The following AKT3 variants were observed in gnomAD, a reference collection of about 807,000 sequenced individuals.
AKT3 encodes the protein RAC-gamma serine/threonine-protein kinase.
A neutral mutation model predicts 65.3 loss-of-function variants in AKT3; 15 were observed. The observed-to-expected ratio is 0.23, with a 90% CI of 0.15 to 0.35. The LOEUF (loss-of-function observed/expected upper bound fraction) is 0.35, where lower values mean the gene tolerates loss of function less well. Among genes scored for constraint, AKT3 ranks in the 10% least tolerant of loss-of-function variants. The probability of loss-of-function intolerance (pLI) is 1.00; values close to 1 mark genes in which losing one functional copy is unlikely to be tolerated. For missense variants in AKT3, 243 were observed against 576.5 expected, an observed-to-expected ratio of 0.42 and a Z score of 5.92; for synonymous variants, 206 against 183.8, an observed-to-expected ratio of 1.12 and a Z score of -0.98.
chr1:243,658,554 G>C (rs910428329), intron 4 of AKT3, among the ~76,000 whole-genome samples: 4 of 152,132 alleles, frequency 2.6e-5, no homozygotes, highest in African/African-American at 9.7e-5. Flanking sequence ...ACAGAAAACA[G>C]TATGAAGATT....
chr1:243,770,404 T>C (rs1410175856), intron 2 of AKT3, among the ~76,000 whole-genome samples: 2 of 152,272 alleles, frequency 1.3e-5, no homozygotes, highest in South Asian at 2.1e-4. Flanking sequence ...TAGGTCAAGG[T>C]AGGACCTGAA....
At chr1:243,778,618 A>G (rs1194230026) in intron 2 of AKT3, among the ~76,000 whole-genome samples, 2 of 152,206 alleles carry the variant, frequency 1.3e-5, no homozygotes, top group African/African-American at 4.8e-5. Flanking sequence ...GGTACAAAGT[A>G]TAAGTGTGTG....
Position 243,849,983 on chromosome 1 carries a change from CG to C in AKT3, c.-113+56del, listed in dbSNP as rs563828741. 2.3e-4 allele frequency: 219 copies of C among 972,328 alleles called. No individual in the cohort carries two copies. The African/African-American group carries it at 3.7e-3, about 16-fold the overall frequency. The allele number at this position is 972,328 out of a possible 1,614,324, so 60.2% of individuals were successfully genotyped here. A position where few individuals can be genotyped will look rare whatever the true frequency, so the allele number is the denominator to read the frequency against. On this transcript the variant is annotated intron_variant, in intron 1 of 13. Coordinates refer to ENST00000673466, the MANE Select transcript of AKT3 (RefSeq NM_005465.7). ...GGAGGGCGGACCGGGGCCCGGGGCC[CG>C]GAGGGAGTGGAGGCCAGGCGGGGAG...
chr1:243,777,187 A>T (rs1228345929), intron 2 of AKT3, among the ~76,000 whole-genome samples: 1 of 152,142 alleles, frequency 6.6e-6, no homozygotes, highest in Non-Finnish European at 1.5e-5. Context: ...TGGTTTGGGG[A>T]TGATGCAAGT....
intron 9 of AKT3, among the ~76,000 whole-genome samples, 169 bp from the exon 10 acceptor site, chr1:243,564,017 A>C (rs1673981848): frequency 6.6e-6 from 1 of 152,252 alleles, no homozygotes; most frequent in Admixed American, 6.5e-5. Context: ...TGTAAAAAGA[A>C]ACATGTTTTA....
chr1:243,659,470 T>TAA (rs35372044), intron 4 of AKT3, among the ~76,000 whole-genome samples: 15 of 151,850 alleles, frequency 9.9e-5, no homozygotes, highest in South Asian at 2.1e-4. Flanking sequence ...ACATTTTTGT[T>TAA]AAAAAAAATA....
chr1:243,681,191 TGTTA>T (rs1323211599), intron 3 of AKT3, among the ~76,000 whole-genome samples: 1 of 152,172 alleles, frequency 6.6e-6, no homozygotes, highest in Non-Finnish European at 1.5e-5. Flanking sequence ...CCTCCAAAGA[TGTTA>T]GTAACATTAA....
In AKT3 at chr1:243,637,692, C is replaced by A; in HGVS notation, c.480G>T (p.Gly160=). Residue 160 remains glycine, a synonymous_variant, in exon 6 of 14, where the codon GGG becomes GGT. Coordinates refer to ENST00000673466, the MANE Select transcript of AKT3 (RefSeq NM_005465.7). The part of the protein sequence containing the change: ...YLKLLGKGTF[G]KVILVREKAS... ...CCTTCTCTCGAACCAAAATAACTTTCCCAAAAGTGCCTTTACCTAGTAGTT... is the reference window on the plus strand; with the variant it reads ...CCTTCTCTCGAACCAAAATAACTTTACCAAAAGTGCCTTTACCTAGTAGTT... 6.3e-7 allele frequency: 1 copy of A among 1,595,602 alleles called. No individual in the cohort carries two copies. The highest frequency in any genetic ancestry group is 1.1e-5 in the South Asian group (1 of 90,534).
At chr1:243,617,393 T>C (rs941150351) in intron 6 of AKT3, among the ~76,000 whole-genome samples, 2 of 152,124 alleles carry the variant, frequency 1.3e-5, no homozygotes, top group Middle Eastern at 3.4e-3. Flanking sequence ...TTTTGTGATA[T>C]ACTGAACCAA....
At chr1:243,814,509 T>C (rs1693384794) in intron 2 of AKT3, 1 of 152,240 alleles carries the variant, frequency 6.6e-6, no homozygotes. Flanking sequence ...CAATGTTTAA[T>C]AGAACACATA....
chr1:243,529,403 A>T (rs200713902), intron 12 of AKT3, among the ~76,000 whole-genome samples: 1 of 152,088 alleles, frequency 6.6e-6, no homozygotes, highest in East Asian at 1.9e-4. Context: ...GTTATCTTAT[A>T]TGGCATTTTT....
chr1:243,664,958 G>C, intron 3 of AKT3, 75 bp from the exon 4 acceptor site: 1 of 799,964 alleles, frequency 1.3e-6, no homozygotes, highest in Non-Finnish European at 1.8e-6. Flanking sequence ...GAACTACAGA[G>C]TTCTATTTTA....
At chr1:243,574,427 A>G (rs1279301817) in intron 8 of AKT3, among the ~76,000 whole-genome samples, 2 of 152,120 alleles carry the variant, frequency 1.3e-5, no homozygotes, top group Non-Finnish European at 2.9e-5. Context: ...GCTTCCTACT[A>G]TATTACTGTA....
chr1:243,819,431 C>A (rs994713996), intron 2 of AKT3, among the ~76,000 whole-genome samples: 2 of 152,196 alleles, frequency 1.3e-5, no homozygotes, highest in Admixed American at 6.5e-5. Flanking sequence ...CCTCACTGGG[C>A]AGGGCCTCCC....
At chr1:243,527,900 C>G (rs1315851592) in intron 12 of AKT3, among the ~76,000 whole-genome samples, 2 of 102,266 alleles carry the variant, frequency 2.0e-5, no homozygotes, top group African/African-American at 9.6e-5. Flanking sequence ...CACACACACA[C>G]ACACACACAC....
At chr1:243,714,788 C>T (rs900380373) in intron 2 of AKT3, among the ~76,000 whole-genome samples, 20 of 151,958 alleles carry the variant, frequency 1.3e-4, no homozygotes, top group Non-Finnish European at 2.4e-4. Flanking sequence ...TGAAGAAAGA[C>T]TTTAATAACA....
rs571726670 is a variant in AKT3, at chr1:243,491,762, C to T, written c.*7-3312G>A. Among the ~76,000 whole-genome samples, 26 of 152,310 alleles carry T rather than the reference C, an allele frequency of 1.7e-4. 1 individual carries two copies. Among genetic ancestry groups the T allele is most frequent in the African/African-American group, 4.3e-4 (18 of 41,574 alleles). On this transcript the variant is annotated intron_variant, in intron 13 of 13. Transcript: ENST00000336199. ...GGTGCCGCCTGAGGGCTCCGGAGTG[C>T]TCAGCCACCCTCTCTGTTTTCCTGG... is the stretch of plus-strand genomic sequence containing the variant.
rs183912390 is a variant in AKT3, at chr1:243,557,280, T to C, written c.949-4337A>G. Among the ~76,000 whole-genome samples, 236 of 152,240 alleles carry C rather than the reference T, an allele frequency of 1.6e-3. 2 individuals are homozygous for C. Among genetic ancestry groups the C allele is most frequent in the South Asian group, 0.012 (58 of 4,826 alleles). ...AGTAACAATAGCCATTGTAAAATAC[T>C]ATAGGTAATCACCAGTGTTTCCAGT... is the stretch of plus-strand genomic sequence containing the variant. On this transcript the variant is annotated intron_variant, in intron 10 of 13. Coordinates refer to ENST00000673466, the MANE Select transcript of AKT3 (RefSeq NM_005465.7).
chr1:243,787,532 T>C (rs1484421144), intron 2 of AKT3, among the ~76,000 whole-genome samples: 2 of 152,230 alleles, frequency 1.3e-5, no homozygotes, highest in African/African-American at 4.8e-5. Flanking sequence ...TTGAGGCTTA[T>C]GTCATTATAA....
Sources: gnomAD v4.1 joint callset for allele counts (sites outside exome capture counted in the v4.1 genomes callset) on GRCh38, gnomAD v4.1.1 for gene constraint, MANE v1.5 for transcripts, NCBI Gene and HGNC (gene_info 2026-07-23, HGNC 2026-07-21) for gene names.